The following LRRC8C variants were observed in gnomAD, a reference collection of about 807,000 sequenced individuals.
The protein encoded by LRRC8C is leucine rich repeat containing 8 VRAC subunit C, also known as volume-regulated anion channel subunit LRRC8C.
LRRC8C carries 20 observed loss-of-function variants against 55.3 expected under a neutral mutation model. That is an observed-to-expected ratio of 0.36 (90% CI 0.25 to 0.53). The LOEUF is 0.53. Among genes scored for constraint, LRRC8C ranks in the 20% least tolerant of loss-of-function variants. The pLI is 0.92. For missense variants in LRRC8C, 659 were observed against 951.4 expected (o/e 0.69, Z 4.04); for synonymous variants, 376 against 360.7 (o/e 1.04, Z -0.48).
chr1:89,649,452 C>T (rs1038243293), intron 1 of LRRC8C, among the ~76,000 whole-genome samples: 3 of 152,240 alleles, frequency 2.0e-5, no homozygotes, highest in South Asian at 2.1e-4. Flanking sequence ...GTGATCTGTA[C>T]GTCATCTGTT....
At chr1:89,676,723 T>C (rs1238234102) in intron 1 of LRRC8C, among the ~76,000 whole-genome samples, 1 of 152,226 alleles carries the variant, frequency 6.6e-6, no homozygotes, top group Admixed American at 6.5e-5. Context: ...ATAAAAATAC[T>C]GTAACAACGT....
At chr1:89,640,100 T>C (rs1213265205) in intron 1 of LRRC8C, among the ~76,000 whole-genome samples, 1 of 152,258 alleles carries the variant, frequency 6.6e-6, no homozygotes, top group African/African-American at 2.4e-5. Flanking sequence ...AATCTTGCTG[T>C]GTTGCCCAGG....
chr1:89,658,521 T>A (rs1657012270), intron 1 of LRRC8C, among the ~76,000 whole-genome samples: 1 of 152,168 alleles, frequency 6.6e-6, no homozygotes, highest in Non-Finnish European at 1.5e-5. Flanking sequence ...GGTGGTAGAA[T>A]CACTACATTT....
At chr1:89,711,381 G>A (rs56222636) in intron 2 of LRRC8C, among the ~76,000 whole-genome samples, 9,466 of 152,254 alleles carry the variant, frequency 0.062, 383 homozygotes, top group Non-Finnish European at 0.093. Flanking sequence ...CTATAATCAA[G>A]GTAAAGGACT....
rs941917903 is a variant in LRRC8C at position 89,716,241 on chromosome 1, A to G, written c.*1259A>G. 2.0e-5 allele frequency: 3 copies of G among 152,170 alleles called. No homozygotes were observed. Among genetic ancestry groups the G allele is most frequent in the African/African-American group, 7.2e-5 (3 of 41,436 alleles). The allele number at this position is 152,170 out of a possible 1,614,324, so 9.4% of individuals were successfully genotyped here. On this transcript the variant is annotated 3_prime_UTR_variant, in exon 3 of 3. Coordinates refer to ENST00000370454, the MANE Select transcript of LRRC8C (RefSeq NM_032270.5). ...ATAGGTTATATGCAATTTCTGCACC[A>G]TTTTATGTCAAGGATTTTGAACATC...
chr1:89,655,687 A>AG (rs1344996852), intron 1 of LRRC8C, among the ~76,000 whole-genome samples: 1 of 151,430 alleles, frequency 6.6e-6, no homozygotes, highest in Non-Finnish European at 1.5e-5. Context: ...CAAGAGCCAG[A>AG]GGGGGCAAAT....
intron 1 of LRRC8C, among the ~76,000 whole-genome samples, chr1:89,669,397 G>A (rs1008216524): frequency 6.6e-6 from 1 of 152,022 alleles, no homozygotes; most frequent in African/African-American, 2.4e-5. Context: ...AAACTGTATG[G>A]TATGCTTAAA....
At chr1:89,710,124 A>G (rs1411568494) in intron 2 of LRRC8C, among the ~76,000 whole-genome samples, 4 of 152,148 alleles carry the variant, frequency 2.6e-5, no homozygotes, top group South Asian at 4.1e-4. Context: ...GAATGTGCTC[A>G]AGGAAGCACA....
intron 2 of LRRC8C, among the ~76,000 whole-genome samples, chr1:89,687,192 T>C (rs1657907458): frequency 6.6e-6 from 1 of 152,196 alleles, no homozygotes; most frequent in South Asian, 2.1e-4. Context: ...AGTTCATTTC[T>C]AGGGGAGAAA....
chr1:89,646,646 G>A (rs1318146348), intron 1 of LRRC8C, among the ~76,000 whole-genome samples: 2 of 151,954 alleles, frequency 1.3e-5, no homozygotes, highest in African/African-American at 4.8e-5. Context: ...CCTATAGCTA[G>A]CATCATACTT....
rs1451712498 is a variant in LRRC8C at position 89,716,580 on chromosome 1, A to T, written c.*1598A>T. The T allele has an allele frequency of 6.6e-6, 1 of 152,240 alleles. No homozygotes were observed. Among genetic ancestry groups the T allele is most frequent in the Admixed American group, 6.5e-5 (1 of 15,284 alleles). 9.4% of individuals were successfully genotyped at this position (152,240 alleles called of 1,614,324 possible). A position where few individuals can be genotyped will look rare whatever the true frequency, so the allele number is the denominator to read the frequency against. On this transcript the variant is annotated 3_prime_UTR_variant, in exon 3 of 3. Transcript: ENST00000370454. ...CAAAATATTTCACTGACTATTAAGC[A>T]TGTAGAACAGGAAAATGAAATACAC...
intron 2 of LRRC8C, among the ~76,000 whole-genome samples, chr1:89,709,705 CTG>C (rs1287020180): frequency 2.0e-5 from 3 of 150,120 alleles, no homozygotes; most frequent in African/African-American, 7.3e-5. Context: ...CCTGATTCCT[CTG>C]TGTTTTTTTG....
chr1:89,618,125 C>T, the LRRC8C span, among the ~76,000 whole-genome samples: 4 of 152,162 alleles, frequency 2.6e-5, no homozygotes, highest in African/African-American at 9.7e-5. Context: ...GAGTTTTTAA[C>T]TCAGGTCAAG....
At chr1:89,705,021 C>G (rs549753544) in intron 2 of LRRC8C, among the ~76,000 whole-genome samples, 99 of 151,852 alleles carry the variant, frequency 6.5e-4, no homozygotes, top group African/African-American at 1.9e-3. Flanking sequence ...TTGGAACCAA[C>G]CCAAATGTCC....
At chr1:89,640,253 C>T (rs893880727) in intron 1 of LRRC8C, among the ~76,000 whole-genome samples, 1 of 152,146 alleles carries the variant, frequency 6.6e-6, no homozygotes, top group Non-Finnish European at 1.5e-5. Context: ...TTAGTAGAGA[C>T]ACGGTTTCAC....
chr1:89,649,956 C>T (rs1345401363), intron 1 of LRRC8C, among the ~76,000 whole-genome samples: 1 of 152,160 alleles, frequency 6.6e-6, no homozygotes, highest in Non-Finnish European at 1.5e-5. Context: ...ACCCCTTTAA[C>T]TTTCATTCTT....
At chr1:89,655,839 A>G (rs1398818976) in intron 1 of LRRC8C, among the ~76,000 whole-genome samples, 1 of 152,192 alleles carries the variant, frequency 6.6e-6, no homozygotes, top group African/African-American at 2.4e-5. Flanking sequence ...CCTGCATCCC[A>G]TCTCAGAGGT....
intron 2 of LRRC8C, among the ~76,000 whole-genome samples, chr1:89,702,611 C>T (rs1277070397): frequency 1.3e-5 from 2 of 149,116 alleles, no homozygotes; most frequent in Non-Finnish European, 3.0e-5. Context: ...ATTTTTTTTT[C>T]ATTAGCCAGG....
intron 1 of LRRC8C, among the ~76,000 whole-genome samples, chr1:89,646,066 T>A (rs1656606517): frequency 6.6e-6 from 1 of 152,032 alleles, no homozygotes; most frequent in South Asian, 2.1e-4. Flanking sequence ...AGAAGCTGGA[T>A]TAGATTCCCA....
Sources: allele counts gnomAD v4.1 joint callset (sites outside exome capture counted in the v4.1 genomes callset), GRCh38; gene constraint gnomAD v4.1.1; transcripts MANE v1.5; gene names NCBI Gene and HGNC (gene_info 2026-07-23, HGNC 2026-07-21).